LEF1: variants seen among roughly 807,000 people sequenced by gnomAD.
LEF1 encodes lymphoid enhancer binding factor 1.
Under a neutral mutation model 51.2 loss-of-function variants are expected in LEF1, and 14 were observed. The ratio of observed to expected loss-of-function variants is 0.27; its 90% confidence interval spans 0.18 to 0.43. The LOEUF is 0.43. LEF1 is among the 20% of genes least tolerant of loss of function. The pLI, the probability that LEF1 is intolerant of heterozygous loss-of-function variation, is 1.00. For synonymous variants in LEF1, 185 were observed against 183.2 expected (o/e 1.01, Z -0.08); for missense variants, 386 against 512.0 (o/e 0.75, Z 2.37).
chr4:108,148,152 CCATCAGTTA>C (rs1744112045), intron 3 of LEF1, among the ~76,000 whole-genome samples: 1 of 152,172 alleles, frequency 6.6e-6, no homozygotes, highest in Non-Finnish European at 1.5e-5. Context: ...CTCTTACCAA[CCATCAGTTA>C]ACTTGGCAGC....
chr4:108,074,664 G>A (rs1738727287), intron 8 of LEF1, among the ~76,000 whole-genome samples: 1 of 152,184 alleles, frequency 6.6e-6, no homozygotes, highest in Non-Finnish European at 1.5e-5. Flanking sequence ...CCAGAGGGGA[G>A]TTATGAAAGG....
intron 4 of LEF1, among the ~76,000 whole-genome samples, chr4:108,084,045 T>C (rs1293890270): frequency 2.6e-5 from 4 of 152,230 alleles, no homozygotes; most frequent in Non-Finnish European, 5.9e-5. Flanking sequence ...AAGGTCAAGC[T>C]GTTCTGGATT....
At chr4:108,165,897 C>G (rs536854037) in intron 1 of LEF1, among the ~76,000 whole-genome samples, 7 of 152,174 alleles carry the variant, frequency 4.6e-5, no homozygotes, top group Non-Finnish European at 1.0e-4. Flanking sequence ...CCTCCTCATG[C>G]CCACTTAACA....
intron 3 of LEF1, among the ~76,000 whole-genome samples, chr4:108,116,270 C>T (rs1230938100): frequency 6.6e-6 from 1 of 152,186 alleles, no homozygotes; most frequent in African/African-American, 2.4e-5. Context: ...CCTGTAATCC[C>T]AGCACTTTGG....
chr4:108,054,266 C>T (rs948431227), intron 11 of LEF1, among the ~76,000 whole-genome samples: 1 of 152,184 alleles, frequency 6.6e-6, no homozygotes, highest in Non-Finnish European at 1.5e-5. Context: ...TCATCAGGTG[C>T]GCTGCGGGAT....
intron 3 of LEF1, among the ~76,000 whole-genome samples, chr4:108,163,104 C>T (rs753597621): frequency 2.6e-5 from 4 of 151,952 alleles, no homozygotes; most frequent in East Asian, 3.9e-4. Context: ...AAACATTGGC[C>T]GATACAATAA....
chr4:108,096,881 T>C (rs927207086), intron 3 of LEF1, among the ~76,000 whole-genome samples: 1 of 152,138 alleles, frequency 6.6e-6, no homozygotes, highest in Non-Finnish European at 1.5e-5. Context: ...AAATCAAAAC[T>C]ACCACGTGAC....
intron 1 of LEF1, chr4:108,166,690 C>G (rs954491726): frequency 3.0e-6 from 3 of 996,216 alleles, no homozygotes; most frequent in Non-Finnish European, 3.6e-6. Flanking sequence ...CCAGAAGACC[C>G]GATAAAGCGC....
chr4:108,168,421 T>A lies in LEF1; in HGVS notation c.-654A>T, dbSNP rs1333573699. 1.3e-5 allele frequency: 2 copies of A among 152,266 alleles called. No individual in the cohort carries two copies. The highest frequency in any genetic ancestry group is 2.9e-5 in the Non-Finnish European group (2 of 68,070). 9.4% of individuals were successfully genotyped at this position (152,266 alleles called of 1,614,324 possible). ...ACGCTGGAGATGTCCGTTTTAGATC[T>A]TCTTATTTTCTTCCCTTTCGCTTCG... On this transcript the variant is annotated 5_prime_UTR_variant, in exon 1 of 12. In the 5' UTR this introduces an upstream ATG that the reference lacks. Coordinates refer to ENST00000265165, the MANE Select transcript of LEF1 (RefSeq NM_016269.5). This position sits in a 1 kb window ranked among gnomAD's most constrained non-coding sequence, Gnocchi z 4.6.
chr4:108,089,050 A>C lies in LEF1; in HGVS notation c.547+75T>G. On this transcript the variant is annotated intron_variant, in intron 4 of 11. Coordinates refer to ENST00000265165, the MANE Select transcript of LEF1 (RefSeq NM_016269.5). ...AGTGACATGGAGCACTGGCATCTGG[A>C]AGGTCACTCAGGCTGATGAGATTTG... The C allele has an allele frequency of 6.5e-6, 10 of 1,548,744 alleles. No individual in the cohort carries two copies. In the South Asian group the frequency reaches 1.0e-4, roughly 16 times the overall value.
intron 3 of LEF1, among the ~76,000 whole-genome samples, chr4:108,143,656 C>A (rs966046554): frequency 6.6e-6 from 1 of 152,188 alleles, no homozygotes; most frequent in African/African-American, 2.4e-5. Context: ...CCCCCTCAAT[C>A]CCCTGCCCCC....
chr4:108,123,189 T>A (rs565140422), intron 3 of LEF1, among the ~76,000 whole-genome samples: 1 of 152,342 alleles, frequency 6.6e-6, no homozygotes, highest in East Asian at 1.9e-4. Context: ...ACCAGATCTC[T>A]GTTGAGGAAA....
In LEF1 at chr4:108,063,662, A is replaced by T. The variant is rs1402311608; in HGVS notation, c.1167T>A (p.Gly389=). Residue 389 remains glycine, a splice_region_variant and synonymous_variant, in exon 11 of 12, where the codon GGT becomes GGA. Coordinates refer to ENST00000265165, the MANE Select transcript of LEF1 (RefSeq NM_016269.5). ...AGGCAGCTGTCATTCTTGGACCTGT[A>T]CCTGCAGAAAATTGTGTCTTTAACA... ...KREKLQESAS[G]TGPRMTAAYI 6.3e-7 allele frequency: 1 copy of T among 1,593,918 alleles called. No individual in the cohort carries two copies. Among genetic ancestry groups the T allele is most frequent in the East Asian group, 2.3e-5 (1 of 44,376 alleles).
intron 1 of LEF1, chr4:108,166,156 CG>C: frequency 4.1e-6 from 4 of 968,540 alleles, no homozygotes; most frequent in Non-Finnish European, 5.8e-6. Context: ...ATCTTTTACG[CG>C]GGGTTAGGTG....
chr4:108,071,013 C>G, intron 8 of LEF1: 1 of 340,408 alleles, frequency 2.9e-6, no homozygotes, highest in Non-Finnish European at 5.3e-6. Context: ...CAAAGTCAAT[C>G]AAAGTGTTCA....
chr4:108,051,657 G>A (rs1736999872), intron 11 of LEF1, among the ~76,000 whole-genome samples: 1 of 152,114 alleles, frequency 6.6e-6, no homozygotes, highest in South Asian at 2.1e-4. Context: ...TTCAGACTTG[G>A]GCTCCCTCCA....
chr4:108,108,544 G>C (rs144243701), intron 3 of LEF1, among the ~76,000 whole-genome samples: 3 of 152,026 alleles, frequency 2.0e-5, no homozygotes, highest in Non-Finnish European at 4.4e-5. Context: ...TAAAATGTGG[G>C]AGATGTCCAG....
At chr4:108,091,791 G>C (rs528609476) in intron 3 of LEF1, among the ~76,000 whole-genome samples, 1 of 152,254 alleles carries the variant, frequency 6.6e-6, no homozygotes, top group African/African-American at 2.4e-5. Context: ...GTAGATGTGA[G>C]GATAGGAGGA....
chr4:108,166,275 T>C (rs1309548522), intron 1 of LEF1: 3 of 1,536,120 alleles, frequency 2.0e-6, no homozygotes, highest in Non-Finnish European at 2.6e-6. Context: ...TACTCACCTC[T>C]GCCATTGGGA....
Sources: gnomAD v4.1 joint callset for allele counts (sites outside exome capture counted in the v4.1 genomes callset) on GRCh38, gnomAD v4.1.1 for gene constraint, Gnocchi (gnomAD v3.1) non-coding constraint, MANE v1.5 for transcripts, NCBI Gene and HGNC (gene_info 2026-07-23, HGNC 2026-07-21) for gene names.